The following ZNF766 variants were observed in gnomAD, a reference collection of about 807,000 sequenced individuals.
The protein encoded by ZNF766 is zinc finger protein 766.
ZNF766 carries 13 observed loss-of-function variants against 13.2 expected under a neutral mutation model. The observed-to-expected ratio is 0.98, with a 90% CI of 0.64 to 1.56. ZNF766 has a LOEUF of 1.56. Ranked by LOEUF, ZNF766 falls within the 40% of genes most tolerant of loss-of-function variation. The pLI is 0.00. For missense variants in ZNF766, 521 were observed against 552.2 expected, an observed-to-expected ratio of 0.94 and a Z score of 0.57; for synonymous variants, 178 against 187.6, an observed-to-expected ratio of 0.95 and a Z score of 0.42.
chr19:52,281,857 A>G (rs371710100), intron 1 of ZNF766: 50 of 539,022 alleles, frequency 9.3e-5, no homozygotes, highest in Non-Finnish European at 1.9e-4. Flanking sequence ...CTTCAGAGAC[A>G]CTTGTATGCT....
intron 1 of ZNF766, among the ~76,000 whole-genome samples, chr19:52,270,034 C>T (rs894482179): frequency 2.0e-5 from 3 of 152,168 alleles, no homozygotes; most frequent in Non-Finnish European, 4.4e-5. Flanking sequence ...ATTCTGCAGA[C>T]CCCACCCCTG....
At position 52,290,314 on chromosome 19, in the gene ZNF766, T is replaced by C. The variant is rs777640928; in HGVS notation, c.523T>C (p.Ser175Pro). The change falls in exon 4 of 4, where the codon TCA (serine) becomes CCA (proline). Residue 175 changes from serine to proline, a missense_variant. Transcript: ENST00000439461. ...RNDFVDFPLL[S>P]QEQKAHIRRK... ...TGATTTTGTTGATTTTCCATTGCTG[T>C]CACAAGAACAGAAAGCACACATTAG... 1.5e-5 allele frequency: 25 copies of C among 1,613,754 alleles called. No homozygotes were observed. The highest frequency in any genetic ancestry group is 2.0e-5 in the Non-Finnish European group (24 of 1,179,840).
intron 1 of ZNF766, among the ~76,000 whole-genome samples, chr19:52,278,147 AT>A (rs1981308424): frequency 6.6e-6 from 1 of 151,494 alleles, no homozygotes; most frequent in African/African-American, 2.4e-5. Context: ...AATTTTTTGA[AT>A]TTTTGGTAGA....
rs1982152154 is a variant in ZNF766, at chr19:52,291,687, AG to A, written c.*491del. On this transcript the variant is annotated 3_prime_UTR_variant, in exon 4 of 4. Transcript: ENST00000439461. ...GGCAGGAGAATTGCTTGAATCCAGG[AG>A]GCAGAGGTTGTTGCAGTGAGCTGAG... The A allele has an allele frequency of 6.2e-6, 1 of 160,518 alleles. No individual in the cohort carries two copies. 9.9% of individuals were successfully genotyped at this position (160,518 alleles called of 1,614,324 possible).
chr19:52,278,228 G>A (rs928331363), intron 1 of ZNF766, among the ~76,000 whole-genome samples: 2 of 151,442 alleles, frequency 1.3e-5, no homozygotes, highest in African/African-American at 4.9e-5. Flanking sequence ...GAGCCATCAC[G>A]CCAGGCCTTT....
chr19:52,291,299 C>T lies in ZNF766; in HGVS notation c.*101C>T, dbSNP rs1480082963. The T allele has an allele frequency of 1.7e-5, 20 of 1,150,638 alleles. No individual in the cohort carries two copies. The Admixed American group carries it at 1.7e-4, about 10-fold the overall frequency. 71.3% of individuals were successfully genotyped at this position (1,150,638 alleles called of 1,614,324 possible). On this transcript the variant is annotated 3_prime_UTR_variant, in exon 4 of 4. Coordinates refer to ENST00000439461, the MANE Select transcript of ZNF766 (RefSeq NM_001010851.3). Reference sequence around the variant, plus strand: ...GTACTATATGTGGCACAGGCTGTATCGAGACCTACCAAATCACTAGACATC... The same window carrying T: ...GTACTATATGTGGCACAGGCTGTATTGAGACCTACCAAATCACTAGACATC...
At chr19:52,278,472 C>A (rs113159182) in intron 1 of ZNF766, among the ~76,000 whole-genome samples, 2,540 of 152,106 alleles carry the variant, frequency 0.017, 74 homozygotes, top group African/African-American at 0.058. Context: ...GGTGTGATCT[C>A]AGTTCACTGC....
At position 52,291,955 on chromosome 19, in the gene ZNF766, C is replaced by A; in HGVS notation, c.*757C>A. ...AGGCCCTTGGCATGTGTCTGTAGTT[C>A]CAGCTACTCAAGAGGCCGAGGCAAG... On this transcript the variant is annotated 3_prime_UTR_variant, in exon 4 of 4. Transcript: ENST00000439461. 1 of 553,650 alleles carries A rather than the reference C, an allele frequency of 1.8e-6. No individual in the cohort carries two copies. The highest frequency in any genetic ancestry group is 2.4e-5 in the South Asian group (1 of 40,870). The allele number at this position is 553,650 out of a possible 1,614,324, so 34.3% of individuals were successfully genotyped here.
Position 52,284,024 on chromosome 19 carries a change from C to T in ZNF766, c.274+611C>T, listed in dbSNP as rs754479876. Among the ~76,000 whole-genome samples, 7 of 152,330 alleles carry T rather than the reference C, an allele frequency of 4.6e-5. No homozygotes were observed. The East Asian group carries it at 5.8e-4, about 13-fold the overall frequency. On this transcript the variant is annotated intron_variant, in intron 3 of 3. Transcript: ENST00000439461. ...GTGCTGGGATTATGGTGTCAGCCAC[C>T]GCGCCCAGCCCACGCTGTCGTTTAG...
At position 52,283,388 on chromosome 19, in the gene ZNF766, G is replaced by T; in HGVS notation, c.249G>T (p.Trp83Cys). Residue 83 changes from tryptophan (W) to cysteine (C), a missense_variant, in exon 3 of 4, where the codon TGG becomes TGT. Coordinates refer to ENST00000439461, the MANE Select transcript of ZNF766 (RefSeq NM_001010851.3). ...AAGTAGCAAAAAATCCAGATAGGTGGGAAGGTATCAAAGATATCAACACAG... is the reference window on the plus strand; with the variant it reads ...AAGTAGCAAAAAATCCAGATAGGTGTGAAGGTATCAAAGATATCAACACAG... ...EMKVAKNPDRWEGIKDINTGR... is the reference protein window; with the variant it reads ...EMKVAKNPDRCEGIKDINTGR... 1 of 1,606,602 alleles carries T rather than the reference G, an allele frequency of 6.2e-7. No homozygotes were observed.
chr19:52,285,354 T>C (rs1981762392), intron 3 of ZNF766, among the ~76,000 whole-genome samples: 2 of 152,178 alleles, frequency 1.3e-5, no homozygotes, highest in South Asian at 4.1e-4. Context: ...GGTTTAGGGC[T>C]CAGTCTCCAA....
intron 1 of ZNF766, chr19:52,277,166 AAG>A (rs982097286): frequency 9.0e-5 from 101 of 1,125,580 alleles, no homozygotes; most frequent in Non-Finnish European, 1.0e-4. Context: ...TTGACTTCTA[AAG>A]AGTCATGTTG....
In ZNF766 at chr19:52,292,304, A is replaced by T; in HGVS notation, c.*1106A>T. ...GAGACCATGGAGGTGGACAGAGAAT[A>T]ACAAAACCGTGATGGCAGTCATCAT... On this transcript the variant is annotated 3_prime_UTR_variant, in exon 4 of 4. Coordinates refer to ENST00000439461, the MANE Select transcript of ZNF766 (RefSeq NM_001010851.3). 1 of 646,754 alleles carries T rather than the reference A, an allele frequency of 1.5e-6. No homozygotes were observed. The allele number at this position is 646,754 out of a possible 1,614,324, so 40.1% of individuals were successfully genotyped here. A position where few individuals can be genotyped will look rare whatever the true frequency, so the allele number is the denominator to read the frequency against.
chr19:52,288,297 A>AG (rs1332323278), intron 3 of ZNF766, among the ~76,000 whole-genome samples: 1 of 152,184 alleles, frequency 6.6e-6, no homozygotes, highest in African/African-American at 2.4e-5. Context: ...CTGGGATTAC[A>AG]GGTGTAAGCC....
chr19:52,280,883 C>T (rs922320646), intron 1 of ZNF766, among the ~76,000 whole-genome samples: 6 of 146,694 alleles, frequency 4.1e-5, no homozygotes, highest in Non-Finnish European at 9.0e-5. Flanking sequence ...TTTGGCCGTG[C>T]GTGATGGCTC....
intron 2 of ZNF766, among the ~76,000 whole-genome samples, chr19:52,282,998 C>T (rs1249172109): frequency 2.6e-5 from 4 of 152,020 alleles, no homozygotes; most frequent in African/African-American, 4.8e-5. Flanking sequence ...TGAGTATATA[C>T]CCAGTAATGC....
At chr19:52,269,670 G>T (rs745548706) in intron 1 of ZNF766, 39 bp downstream of exon 1, 2 of 1,611,262 alleles carry the variant, frequency 1.2e-6, no homozygotes, top group Non-Finnish European at 1.7e-6. Flanking sequence ...TTCGCTTAGC[G>T]GTGCCCTCAC....
intron 3 of ZNF766, among the ~76,000 whole-genome samples, chr19:52,287,581 T>C (rs1981896347): frequency 6.6e-6 from 1 of 152,244 alleles, no homozygotes; most frequent in African/African-American, 2.4e-5. Flanking sequence ...CAATATTTGA[T>C]AGAATTTTAC....
intron 1 of ZNF766, among the ~76,000 whole-genome samples, chr19:52,278,745 C>T (rs2115077): frequency 0.2 from 30,891 of 152,134 alleles, 3,325 homozygotes; most frequent in Middle Eastern, 0.27. Flanking sequence ...TGTAAATTTG[C>T]TTAAGTTCCT....
Sources: gnomAD v4.1 joint callset for allele counts (sites outside exome capture counted in the v4.1 genomes callset) on GRCh38, gnomAD v4.1.1 for gene constraint, MANE v1.5 for transcripts, NCBI Gene and HGNC (gene_info 2026-07-23, HGNC 2026-07-21) for gene names.